Variants in CUX2 observed in about 807,000 individuals in gnomAD.
CUX2 encodes homeobox protein cut-like 2.
A neutral mutation model predicts 144.8 loss-of-function variants in CUX2; 40 were observed. The observed-to-expected ratio is 0.28, with a 90% CI of 0.21 to 0.36. The LOEUF is 0.36. Among genes scored for constraint, CUX2 ranks in the 10% least tolerant of loss-of-function variants. The probability of loss-of-function intolerance (pLI) is 1.00; values close to 1 mark genes in which losing one functional copy is unlikely to be tolerated. For synonymous variants in CUX2, 827 were observed against 875.6 expected, an observed-to-expected ratio of 0.94 and a Z score of 0.98; for missense variants, 1,615 against 1,994.0, an observed-to-expected ratio of 0.81 and a Z score of 3.62.
At position 111,310,283 on chromosome 12, in the gene CUX2, G is replaced by T; in HGVS notation, c.1501G>T (p.Ala501Ser). 6.7e-7 allele frequency: 1 copy of T among 1,495,926 alleles called. No homozygotes were observed. Among genetic ancestry groups the T allele is most frequent in the Non-Finnish European group, 8.9e-7 (1 of 1,119,736 alleles). 92.7% of individuals were successfully genotyped at this position (1,495,926 alleles called of 1,614,324 possible). Residue 501 changes from alanine to serine, a missense_variant, in exon 15 of 22, where the codon GCG (alanine) becomes TCG (serine). By Grantham distance (99) the Ala-to-Ser change is moderately conservative. Around this residue, in one of 12 missense-constraint regions of CUX2, gnomAD observed 154 missense variants for 148.4 expected, o/e 1.04. Transcript: ENST00000261726. This position sits in a 1 kb window ranked among gnomAD's most constrained non-coding sequence, Gnocchi z 7.9. ...GCCCCCAGCCGCCTTCAAGGGAGAG[G>T]CGGGCGGCCTGCTGGTGTTCCCCCC... ...MMPPAAFKGE[A>S]GGLLVFPPAF...
intron 1 of CUX2, among the ~76,000 whole-genome samples, chr12:111,173,828 A>G (rs1019837768): frequency 1.3e-5 from 2 of 152,238 alleles, no homozygotes; most frequent in South Asian, 2.1e-4. Flanking sequence ...AGCCCGTCCA[A>G]GAATTTGCAT....
intron 19 of CUX2, among the ~76,000 whole-genome samples, chr12:111,336,107 C>T (rs1276016327): frequency 2.6e-5 from 4 of 152,150 alleles, no homozygotes; most frequent in Non-Finnish European, 4.4e-5. Flanking sequence ...TCCAGGAAGA[C>T]GTGGAGAACC....
chr12:111,105,671 C>A (rs180707130), intron 1 of CUX2, among the ~76,000 whole-genome samples: 2 of 152,168 alleles, frequency 1.3e-5, no homozygotes, highest in Admixed American at 1.3e-4. Context: ...GGGTTTGAAG[C>A]CTGCATCTGT....
chr12:111,221,254 C>A (rs904422343), intron 3 of CUX2, among the ~76,000 whole-genome samples: 4 of 152,180 alleles, frequency 2.6e-5, no homozygotes, highest in African/African-American at 9.7e-5. Context: ...TTCTCGTGAT[C>A]TATTGACTAA....
In CUX2 at chr12:111,214,194, T is replaced by A; in HGVS notation, c.64-6T>A. ...CTCTCTTTTTTTTTTTTTTTTATTG[T>A]TCCAGAAGGAGCTTAATTCCGTCGC... On this transcript the variant is annotated splice_polypyrimidine_tract_variant and splice_region_variant and intron_variant, in intron 1 of 21. Coordinates refer to ENST00000261726, the MANE Select transcript of CUX2 (RefSeq NM_015267.4). 6.7e-7 allele frequency: 1 copy of A among 1,481,752 alleles called. No homozygotes were observed. The highest frequency in any genetic ancestry group is 9.1e-7 in the Non-Finnish European group (1 of 1,098,124). 91.8% of individuals were successfully genotyped at this position (1,481,752 alleles called of 1,614,324 possible).
intron 18 of CUX2, among the ~76,000 whole-genome samples, chr12:111,332,715 A>G (rs553105240): frequency 1.3e-5 from 2 of 152,332 alleles, no homozygotes; most frequent in Middle Eastern, 3.4e-3. Context: ...TAATTTTGCC[A>G]TAATCGTGCT....
intron 21 of CUX2, among the ~76,000 whole-genome samples, chr12:111,344,330 A>G (rs1888704962): frequency 6.6e-6 from 1 of 152,212 alleles, no homozygotes; most frequent in Non-Finnish European, 1.5e-5. Context: ...CTATAATCTA[A>G]TAAATGCTGT....
chr12:111,041,373 C>A (rs892026837), intron 1 of CUX2, among the ~76,000 whole-genome samples: 1 of 152,180 alleles, frequency 6.6e-6, no homozygotes. Flanking sequence ...AACTTGCTGG[C>A]CTTGCAGGCT....
rs1335715435 is a variant in CUX2, at chr12:111,300,250, A to G, written c.753+1661A>G. On this transcript the variant is annotated intron_variant, in intron 9 of 21. Transcript: ENST00000261726. ...ATCCTCCTGCCTCAGTCCCCCAAGT[A>G]GCTGGGACTACAGGCACGCACCACC... Among the ~76,000 whole-genome samples the G allele has an allele frequency of 2.0e-5, 3 of 152,124 alleles. No individual in the cohort carries two copies. The East Asian group carries it at 5.8e-4, about 29-fold the overall frequency.
chr12:111,078,757 G>A (rs1460633267), intron 1 of CUX2, among the ~76,000 whole-genome samples: 1 of 152,180 alleles, frequency 6.6e-6, no homozygotes, highest in Non-Finnish European at 1.5e-5. Context: ...GGGGTGGCTT[G>A]TTTGAGTTTG....
At chr12:111,046,171 TG>T (rs1268460516) in intron 1 of CUX2, among the ~76,000 whole-genome samples, 2 of 152,342 alleles carry the variant, frequency 1.3e-5, no homozygotes, top group African/African-American at 4.8e-5. Flanking sequence ...CCAGGTGCGC[TG>T]GCTCTTTGCA....
chr12:111,139,266 G>C (rs1424745255), intron 1 of CUX2, among the ~76,000 whole-genome samples: 4 of 152,124 alleles, frequency 2.6e-5, no homozygotes, highest in Non-Finnish European at 5.9e-5. Context: ...CTTTGGAGAA[G>C]AGAGAAAGAT....
At chr12:111,088,172 C>T (rs554498202) in intron 1 of CUX2, among the ~76,000 whole-genome samples, 2 of 152,204 alleles carry the variant, frequency 1.3e-5, no homozygotes, top group East Asian at 1.9e-4. Context: ...AAGGGCAGCA[C>T]GAAGGCCTGG....
chr12:111,172,108 T>C (rs1878570457), intron 1 of CUX2, among the ~76,000 whole-genome samples: 1 of 151,766 alleles, frequency 6.6e-6, no homozygotes, highest in Admixed American at 6.6e-5. Flanking sequence ...TGCGTGTGCA[T>C]ATGCTTGTGT....
At chr12:111,134,740 A>G (rs559769676) in intron 1 of CUX2, among the ~76,000 whole-genome samples, 51 of 152,098 alleles carry the variant, frequency 3.4e-4, no homozygotes, top group African/African-American at 1.2e-3. Flanking sequence ...GACCAACTGA[A>G]TTTTGCCTGG....
In CUX2 at chr12:111,083,016, T is replaced by C. The variant is rs530382405; in HGVS notation, c.63+48776T>C. Among the ~76,000 whole-genome samples, 9 of 152,270 alleles carry C rather than the reference T, an allele frequency of 5.9e-5. No individual in the cohort carries two copies. The East Asian group carries it at 1.7e-3, about 29-fold the overall frequency. On this transcript the variant is annotated intron_variant, in intron 1 of 21. Coordinates refer to ENST00000261726, the MANE Select transcript of CUX2 (RefSeq NM_015267.4). ...TCCACACTGTTGACATTTGTGGCCG[T>C]TTCATGGTAGGGGCTGCCCTGTGCC...
At chr12:111,142,405 C>A in intron 1 of CUX2, among the ~76,000 whole-genome samples, 1 of 151,808 alleles carries the variant, frequency 6.6e-6, no homozygotes, top group South Asian at 2.1e-4. Context: ...AGTCTTCAGA[C>A]CATGTATTGA....
At chr12:111,051,079 A>T (rs1870240711) in intron 1 of CUX2, among the ~76,000 whole-genome samples, 1 of 152,226 alleles carries the variant, frequency 6.6e-6, no homozygotes, top group Non-Finnish European at 1.5e-5. Context: ...TATGCATGTA[A>T]CGAAATATTA....
chr12:111,069,700 A>C (rs896029238), intron 1 of CUX2, among the ~76,000 whole-genome samples: 7 of 152,112 alleles, frequency 4.6e-5, no homozygotes, highest in Non-Finnish European at 8.8e-5. Context: ...TACCCTGGGC[A>C]TGTCTGTGTC....
Sources: gnomAD v4.1 joint callset for allele counts (sites outside exome capture counted in the v4.1 genomes callset) on GRCh38, gnomAD v4.1.1 for gene constraint, gnomAD v4.1.1 regional missense constraint, Gnocchi (gnomAD v3.1) non-coding constraint, MANE v1.5 for transcripts, NCBI Gene and HGNC (gene_info 2026-07-23, HGNC 2026-07-21) for gene names.